UGT2B28: variants seen among roughly 807,000 people sequenced by gnomAD.
UGT2B28 encodes the protein UDP-glucuronosyltransferase 2B28.
A neutral mutation model predicts 43.6 loss-of-function variants in UGT2B28; 45 were observed. The ratio of observed to expected loss-of-function variants is 1.03; its 90% confidence interval spans 0.81 to 1.32. UGT2B28 has a LOEUF of 1.32. Among genes scored for constraint, UGT2B28 ranks in the 40% most tolerant of loss-of-function variants. The pLI is 0.00. For missense variants in UGT2B28, 649 were observed against 625.5 expected (o/e 1.04, Z -0.40); for synonymous variants, 204 against 208.1 (o/e 0.98, Z 0.17).
chr4:69,281,837 G>C (rs1723619861), intron 1 of UGT2B28, among the ~76,000 whole-genome samples: 1 of 140,500 alleles, frequency 7.1e-6, no homozygotes, highest in Non-Finnish European at 1.5e-5. Flanking sequence ...TGTGAAGGTT[G>C]TTATATCTAT....
At position 69,280,953 on chromosome 4, in the gene UGT2B28, T is replaced by A; in HGVS notation, c.453T>A (p.Asp151Glu). 1 of 1,560,482 alleles carries A rather than the reference T, an allele frequency of 6.4e-7. No individual in the cohort carries two copies. Among genetic ancestry groups the A allele is most frequent in the South Asian group, 1.2e-5 (1 of 84,346 alleles). ...QESRFDIIFA[D>E]AFFPCGELLA... ...CAAGATTTGACATCATTTTTGCAGA[T>A]GCTTTTTTTCCTTGTGGTGAGCTGC... Residue 151 changes from aspartate (D) to glutamate (E), a missense_variant, in exon 1 of 6, where the codon GAT (aspartate) becomes GAA (glutamate). Transcript: ENST00000335568.
At chr4:69,286,038 C>G (rs935347061) in intron 2 of UGT2B28, among the ~76,000 whole-genome samples, 2 of 141,514 alleles carry the variant, frequency 1.4e-5, no homozygotes, top group African/African-American at 2.8e-5. Context: ...TAACTATAAA[C>G]TCTACAATTC....
rs1459859132 is a variant in UGT2B28 at position 69,284,431 on chromosome 4, T to C, written c.870+1769T>C. 2.8e-5 allele frequency among the ~76,000 whole-genome samples: 4 copies of C among 140,622 alleles called. 1 individual carries two copies. Among genetic ancestry groups the C allele is most frequent in the Admixed American group, 1.4e-4 (2 of 14,022 alleles). The allele number at this position is 140,622 out of a possible 152,430, so 92.3% of individuals were successfully genotyped here. ...CATTTTTGCTTACATAAAACTGATA[T>C]TTTATTCCATTGTTAAAACTCAGTA... On this transcript the variant is annotated intron_variant, in intron 2 of 5. Coordinates refer to ENST00000335568, the MANE Select transcript of UGT2B28 (RefSeq NM_053039.2).
Position 69,280,926 on chromosome 4 carries a change from G to A in UGT2B28, c.426G>A (p.Glu142=). ...SNKKVMKKLQ[E]SRFDIIFADA... ...AGAAAGTTATGAAAAAACTACAAGA[G>A]TCAAGATTTGACATCATTTTTGCAG... Residue 142 remains glutamate, a synonymous_variant, in exon 1 of 6, where the codon GAG becomes GAA. Transcript: ENST00000335568. 6.4e-7 allele frequency: 1 copy of A among 1,560,156 alleles called. No individual in the cohort carries two copies. Among genetic ancestry groups the A allele is most frequent in the Non-Finnish European group, 8.7e-7 (1 of 1,155,710 alleles).
At chr4:69,293,482 T>G (rs1159818003) in intron 5 of UGT2B28, among the ~76,000 whole-genome samples, 1 of 139,852 alleles carries the variant, frequency 7.2e-6, no homozygotes, top group African/African-American at 2.8e-5. Context: ...AGGAATCAGA[T>G]AGAAAATAAG....
chr4:69,288,711 G>A (rs13108235), intron 3 of UGT2B28, among the ~76,000 whole-genome samples: 61,400 of 137,456 alleles, frequency 0.45, 19,267 homozygotes, highest in Non-Finnish European at 0.53. Context: ...ACTAATATTC[G>A]TTTATTATTT....
rs746719102 is a variant in UGT2B28, at chr4:69,281,177, T to C, written c.677T>C (p.Met226Thr). Residue 226 changes from methionine to threonine, a missense_variant, in exon 1 of 6, where the codon ATG (methionine) becomes ACG (threonine). By Grantham distance (81) the Met-to-Thr change is moderately conservative. Coordinates refer to ENST00000335568, the MANE Select transcript of UGT2B28 (RefSeq NM_053039.2). ...YVLYFDFWFQ[M>T]CDMKKWDQFY... ...CTTTATTTTGACTTTTGGTTCCAAATGTGTGATATGAAGAAGTGGGATCAG... is the reference window on the plus strand; with the variant it reads ...CTTTATTTTGACTTTTGGTTCCAAACGTGTGATATGAAGAAGTGGGATCAG... The C allele has an allele frequency of 1.3e-6, 2 of 1,545,192 alleles. No individual in the cohort carries two copies. Among genetic ancestry groups the C allele is most frequent in the Non-Finnish European group, 8.7e-7 (1 of 1,150,032 alleles).
chr4:69,282,821 C>G (rs2109683477), intron 2 of UGT2B28, among the ~76,000 whole-genome samples, 159 bp downstream of exon 2: 1 of 140,560 alleles, frequency 7.1e-6, no homozygotes, highest in African/African-American at 2.8e-5. Context: ...TATGTTAATA[C>G]CATCACATGT....
At chr4:69,292,377 A>C (rs1247132407) in intron 5 of UGT2B28, among the ~76,000 whole-genome samples, 1 of 140,286 alleles carries the variant, frequency 7.1e-6, no homozygotes, top group Non-Finnish European at 1.5e-5. Context: ...TTTATCCCAA[A>C]GAAAATAGAA....
chr4:69,281,091 T>G lies in UGT2B28; in HGVS notation c.591T>G (p.Val197=), dbSNP rs1560563158. 6.4e-7 allele frequency: 1 copy of G among 1,559,652 alleles called. No homozygotes were observed. Among genetic ancestry groups the G allele is most frequent in the East Asian group, 2.3e-5 (1 of 43,566 alleles). The change falls in exon 1 of 6, where the codon GTT becomes GTG. Residue 197 remains valine (V), a synonymous_variant. Transcript: ENST00000335568. ...LIFPPSYIPV[V]MSKLSDQMTF... The stretch of plus-strand genomic sequence containing the variant: ...TCCCTCCTTCCTACATACCTGTTGT[T>G]ATGTCAAAATTAAGTGATCAAATGA...
chr4:69,289,762 T>C lies in UGT2B28; in HGVS notation c.1090+10T>C, dbSNP rs770930697. The C allele has an allele frequency of 4.2e-5, 64 of 1,534,184 alleles. 5 individuals are homozygous for C. The highest frequency in any genetic ancestry group is 5.5e-5 in the Non-Finnish European group (63 of 1,139,122). On this transcript the variant is annotated intron_variant, in intron 4 of 5. Coordinates refer to ENST00000335568, the MANE Select transcript of UGT2B28 (RefSeq NM_053039.2). Reference sequence around the variant, plus strand: ...CAGAATGACCTTCTAGGTAACACTCTGGTGAACAAATACTGGATATATTAG... The same window carrying C: ...CAGAATGACCTTCTAGGTAACACTCCGGTGAACAAATACTGGATATATTAG...
At chr4:69,283,566 C>G (rs1272540640) in intron 2 of UGT2B28, among the ~76,000 whole-genome samples, 1 of 139,986 alleles carries the variant, frequency 7.1e-6, no homozygotes, top group Non-Finnish European at 1.5e-5. Flanking sequence ...ATAATTATGC[C>G]TACATTTGCT....
In UGT2B28 at chr4:69,281,591, T is replaced by A. The variant is rs1308551462; in HGVS notation, c.721+370T>A. Among the ~76,000 whole-genome samples, 7 of 141,130 alleles carry A rather than the reference T, an allele frequency of 5.0e-5. 2 individuals carry two copies. Among genetic ancestry groups the A allele is most frequent in the African/African-American group, 1.9e-4 (7 of 36,230 alleles). 92.6% of individuals were successfully genotyped at this position (141,130 alleles called of 152,430 possible). ...GATTTAGAATGAGTAATTACACATT[T>A]TTCTACAACTATCTATATAACTGCA... is the stretch of plus-strand genomic sequence containing the variant. On this transcript the variant is annotated intron_variant, in intron 1 of 5. Coordinates refer to ENST00000335568, the MANE Select transcript of UGT2B28 (RefSeq NM_053039.2).
At chr4:69,291,488 C>T (rs1404054765) in intron 5 of UGT2B28, among the ~76,000 whole-genome samples, 1 of 140,914 alleles carries the variant, frequency 7.1e-6, no homozygotes, top group Non-Finnish European at 1.5e-5. Flanking sequence ...GTCTCAGGTG[C>T]TGTGTAAATG....
In UGT2B28 at chr4:69,290,763, C is replaced by T. The variant is rs371664274; in HGVS notation, c.1262C>T (p.Ser421Leu). 38 of 1,559,502 alleles carry T rather than the reference C, an allele frequency of 2.4e-5. 8 individuals carry two copies. The East Asian group carries it at 5.7e-4, about 24-fold the overall frequency. Residue 421 changes from serine to leucine, a missense_variant, in exon 5 of 6, where the codon TCG (serine) becomes TTG (leucine). Coordinates refer to ENST00000335568, the MANE Select transcript of UGT2B28 (RefSeq NM_053039.2). ...AAVRLDFHTM[S>L]STDLLNALKT... ...GTTAGACTGGACTTCCACACAATGT[C>T]GAGTACAGACCTGCTGAATGCACTG...
In UGT2B28 at chr4:69,282,562, T is replaced by C; in HGVS notation, c.770T>C (p.Leu257Pro). 6 of 1,554,158 alleles carry C rather than the reference T, an allele frequency of 3.9e-6. No individual in the cohort carries two copies. Among genetic ancestry groups the C allele is most frequent in the Non-Finnish European group, 4.3e-6 (5 of 1,153,398 alleles). ...FETMGKADIW[L>P]MRNSWSFQFP... ...ACAATGGGGAAAGCTGACATATGGC[T>C]TATGCGAAACTCCTGGAGTTTTCAA... Residue 257 changes from leucine (L) to proline (P), a missense_variant, in exon 2 of 6, where the codon CTT becomes CCT. Coordinates refer to ENST00000335568, the MANE Select transcript of UGT2B28 (RefSeq NM_053039.2).
chr4:69,285,330 A>C (rs1723738931), intron 2 of UGT2B28, among the ~76,000 whole-genome samples: 1 of 140,866 alleles, frequency 7.1e-6, no homozygotes. Context: ...AATTTCTTAC[A>C]TTAATTTTGT....
chr4:69,282,111 CT>C (rs1723631125), intron 1 of UGT2B28, among the ~76,000 whole-genome samples: 1 of 139,856 alleles, frequency 7.2e-6, no homozygotes, highest in African/African-American at 2.8e-5. Flanking sequence ...GTAAACTGGA[CT>C]GTTAGAAAAT....
rs530071634 is a variant in UGT2B28 at position 69,282,653 on chromosome 4, C to G, written c.861C>G (p.Pro287=). Reference sequence around the variant, plus strand: ...GACTCCACTGCAAACCTGCCAAACCCCTACCTAAGGTAAACATACTTTCGT... The same window carrying G: ...GACTCCACTGCAAACCTGCCAAACCGCTACCTAAGGTAAACATACTTTCGT... The part of the protein sequence containing the change: ...VGGLHCKPAK[P]LPKEMEEFVQ... Residue 287 remains proline (P), a synonymous_variant, in exon 2 of 6, where the codon CCC becomes CCG. Coordinates refer to ENST00000335568, the MANE Select transcript of UGT2B28 (RefSeq NM_053039.2). The G allele has an allele frequency of 6.9e-5, 107 of 1,549,246 alleles. 20 individuals are homozygous for G. The Admixed American group carries it at 1.0e-3, about 14-fold the overall frequency.
Sources: allele counts gnomAD v4.1 joint callset (sites outside exome capture counted in the v4.1 genomes callset), GRCh38; gene constraint gnomAD v4.1.1; transcripts MANE v1.5; gene names NCBI Gene and HGNC (gene_info 2026-07-23, HGNC 2026-07-21).